The following RAD54L2 variants were observed in gnomAD, a reference collection of about 807,000 sequenced individuals.
RAD54L2 encodes helicase ARIP4.
Under a neutral mutation model 138.4 loss-of-function variants are expected in RAD54L2, and 27 were observed. That is an observed-to-expected ratio of 0.20 (90% CI 0.14 to 0.27). RAD54L2 has a LOEUF of 0.27. Ranked by LOEUF, RAD54L2 falls within the 10% of genes least tolerant of loss-of-function variation. RAD54L2 has a pLI of 1.00. For missense variants in RAD54L2, 1,396 were observed against 1,890.2 expected (o/e 0.74, Z 4.85); for synonymous variants, 644 against 723.2 (o/e 0.89, Z 1.76).
intron 9 of RAD54L2, 124 bp from the exon 10 acceptor site, chr3:51,635,469 A>G (rs1390564740): frequency 3.7e-6 from 4 of 1,071,722 alleles, no homozygotes; most frequent in East Asian, 2.8e-5. Context: ...CTTTGGTAAT[A>G]AGAAGTTCTG....
At chr3:51,554,717 C>G (rs895955071) in intron 2 of RAD54L2, among the ~76,000 whole-genome samples, 1 of 152,162 alleles carries the variant, frequency 6.6e-6, no homozygotes, top group Non-Finnish European at 1.5e-5. Context: ...AAGAGATTAC[C>G]TGAGAGTCTA....
chr3:51,648,994 A>G (rs555261826), intron 19 of RAD54L2, among the ~76,000 whole-genome samples: 7 of 152,130 alleles, frequency 4.6e-5, no homozygotes, highest in African/African-American at 1.7e-4. Context: ...GTCAGTGGTA[A>G]CAAACTTCTC....
At chr3:51,558,018 G>T (rs1398633009) in intron 2 of RAD54L2, among the ~76,000 whole-genome samples, 2 of 151,630 alleles carry the variant, frequency 1.3e-5, no homozygotes, top group Non-Finnish European at 2.9e-5. Flanking sequence ...GCTAATTTTT[G>T]TATATTTTGT....
Position 51,662,444 on chromosome 3 carries a change from G to A in RAD54L2, c.3428G>A (p.Cys1143Tyr), listed in dbSNP as rs777743013. 3.9e-6 allele frequency: 6 copies of A among 1,528,652 alleles called. No homozygotes were observed. In the Admixed American group the frequency reaches 1.1e-4, roughly 27 times the overall value. 94.7% of individuals were successfully genotyped at this position (1,528,652 alleles called of 1,614,324 possible). ...TCCCCAGGTTCCCAGGGACCTTCTT[G>A]CGAGTCCACAAGCAACGGCAGACAC... The part of the protein sequence containing the change: ...MAASGSQGPS[C>Y]ESTSNGRHSA... Residue 1143 changes from cysteine (C) to tyrosine (Y), a missense_variant, in exon 23 of 23, where the codon TGC becomes TAC. Transcript: ENST00000684192. This position sits in a 1 kb window ranked among gnomAD's most constrained non-coding sequence, Gnocchi z 4.6.
intron 2 of RAD54L2, among the ~76,000 whole-genome samples, chr3:51,561,004 A>G (rs1456035649): frequency 3.3e-5 from 5 of 152,246 alleles, no homozygotes; most frequent in Admixed American, 6.5e-5. Flanking sequence ...TTAACATTCT[A>G]TGCCACAGAG....
In RAD54L2 at chr3:51,663,065, C is replaced by T; in HGVS notation, c.4049C>T (p.Ala1350Val). ...FPVTTDPLVP[A>V]GPVSSSSTAT... is the part of the protein sequence containing the mutation. The stretch of plus-strand genomic sequence containing the variant: ...GTGACTACTGACCCTCTGGTGCCAG[C>T]AGGCCCCGTCAGTTCCTCTTCCACG... The change falls in exon 23 of 23, where the codon GCA (alanine) becomes GTA (valine). Residue 1350 changes from alanine to valine, a missense_variant. Coordinates refer to ENST00000684192, the MANE Select transcript of RAD54L2 (RefSeq NM_015106.4). 2.5e-6 allele frequency: 4 copies of T among 1,613,964 alleles called. No homozygotes were observed. In the South Asian group the frequency reaches 3.3e-5, roughly 13 times the overall value.
chr3:51,591,393 TA>T (rs774121286), intron 3 of RAD54L2, among the ~76,000 whole-genome samples: 2 of 152,186 alleles, frequency 1.3e-5, no homozygotes, highest in Non-Finnish European at 2.9e-5. Context: ...TTAGATCATC[TA>T]ATTACTTGAA....
chr3:51,648,102 G>A (rs898538164), intron 19 of RAD54L2, among the ~76,000 whole-genome samples: 5 of 152,158 alleles, frequency 3.3e-5, no homozygotes, highest in African/African-American at 1.2e-4. Flanking sequence ...CAAATACTGC[G>A]CTTTTCCAAC....
Position 51,656,185 on chromosome 3 carries a change from G to C in RAD54L2, c.3226+15G>C, listed in dbSNP as rs140558858. On this transcript the variant is annotated intron_variant, in intron 20 of 22. Coordinates refer to ENST00000684192, the MANE Select transcript of RAD54L2 (RefSeq NM_015106.4). The stretch of plus-strand genomic sequence containing the variant: ...CACCACGACAGGTGGGAACTCCTGG[G>C]CTCTGTGGCAGAGCTGCTGTCCCTT... 7 of 1,582,544 alleles carry C rather than the reference G, an allele frequency of 4.4e-6. No homozygotes were observed. Among genetic ancestry groups the C allele is most frequent in the Non-Finnish European group, 6.0e-6 (7 of 1,157,566 alleles).
chr3:51,624,018 A>G (rs1700624198), intron 3 of RAD54L2, among the ~76,000 whole-genome samples: 1 of 151,750 alleles, frequency 6.6e-6, no homozygotes, highest in East Asian at 1.9e-4. Flanking sequence ...AGGGGAGCAA[A>G]AATTCTCATA....
intron 3 of RAD54L2, among the ~76,000 whole-genome samples, chr3:51,595,846 T>C (rs532796350): frequency 6.6e-6 from 1 of 152,014 alleles, no homozygotes; most frequent in Admixed American, 6.6e-5. Context: ...TAGGGTCTGT[T>C]GTTATTAAAG....
Position 51,663,528 on chromosome 3 carries a change from A to G in RAD54L2, c.*108A>G. The G allele has an allele frequency of 7.8e-7, 1 of 1,288,450 alleles. No homozygotes were observed. 79.8% of individuals were successfully genotyped at this position (1,288,450 alleles called of 1,614,324 possible). A position where few individuals can be genotyped will look rare whatever the true frequency, so the allele number is the denominator to read the frequency against. ...AATAGGACACTTGGCAGGAGGGAAA[A>G]GGAAGAGGACAAAGGAGGGTGGTTG... On this transcript the variant is annotated 3_prime_UTR_variant, in exon 23 of 23. Transcript: ENST00000684192.
chr3:51,603,777 A>G (rs1261040655), intron 3 of RAD54L2, among the ~76,000 whole-genome samples: 9 of 152,096 alleles, frequency 5.9e-5, no homozygotes, highest in Non-Finnish European at 8.8e-5. Flanking sequence ...CTCCCACCTC[A>G]GCCTTCCAAG....
rs749635722 is a variant in RAD54L2, at chr3:51,662,469, C to T, written c.3453C>T (p.His1151=). 21 of 1,575,608 alleles carry T rather than the reference C, an allele frequency of 1.3e-5. No homozygotes were observed. The highest frequency in any genetic ancestry group is 4.3e-6 in the Non-Finnish European group (5 of 1,162,498). The change falls in exon 23 of 23, where the codon CAC becomes CAT. Residue 1151 remains histidine, a synonymous_variant. Coordinates refer to ENST00000684192, the MANE Select transcript of RAD54L2 (RefSeq NM_015106.4). The surrounding 1 kb of genome is among the most constrained non-coding windows in gnomAD (Gnocchi z 4.6). ...GCGAGTCCACAAGCAACGGCAGACA[C>T]AGTGCCTCATCACCCAAAGCCCCCG... ...PSCESTSNGR[H]SASSPKAPDP... is the part of the protein sequence containing the mutation.
chr3:51,598,541 G>C (rs1700019482), intron 3 of RAD54L2, among the ~76,000 whole-genome samples: 1 of 152,022 alleles, frequency 6.6e-6, no homozygotes, highest in Non-Finnish European at 1.5e-5. Context: ...GATCACCTGA[G>C]GCCAGGAGTT....
chr3:51,610,790 G>T (rs1227994160), intron 3 of RAD54L2, among the ~76,000 whole-genome samples: 1 of 152,196 alleles, frequency 6.6e-6, no homozygotes, highest in African/African-American at 2.4e-5. Flanking sequence ...CCTTGAGAGA[G>T]GCTGCCAGTT....
At chr3:51,655,142 G>GT (rs1577466609) in intron 19 of RAD54L2, among the ~76,000 whole-genome samples, 1 of 152,062 alleles carries the variant, frequency 6.6e-6, no homozygotes, top group South Asian at 2.1e-4. Context: ...CAGCAGAGTG[G>GT]TATAAAAGTG....
At chr3:51,554,558 T>C (rs1698917899) in intron 2 of RAD54L2, among the ~76,000 whole-genome samples, 1 of 152,094 alleles carries the variant, frequency 6.6e-6, no homozygotes, top group East Asian at 1.9e-4. Flanking sequence ...AAATGACAGA[T>C]GACGAAATAA....
At chr3:51,553,029 T>C (rs972485725) in intron 2 of RAD54L2, among the ~76,000 whole-genome samples, 2 of 152,156 alleles carry the variant, frequency 1.3e-5, no homozygotes, top group Non-Finnish European at 2.9e-5. Flanking sequence ...ATTTTGTTGA[T>C]TTGTGAGAAT....
Sources: allele counts gnomAD v4.1 joint callset (sites outside exome capture counted in the v4.1 genomes callset), GRCh38; gene constraint gnomAD v4.1.1; non-coding constraint Gnocchi (gnomAD v3.1); transcripts MANE v1.5; gene names NCBI Gene and HGNC (gene_info 2026-07-23, HGNC 2026-07-21).